Variants in CFDP1 observed in about 807,000 individuals in gnomAD.
CFDP1 encodes the protein heterochromatin-stabilizing protein CFDP1.
In CFDP1, 31 loss-of-function variants were observed where a neutral mutation model predicts 40.1. That is an observed-to-expected ratio of 0.77 (90% CI 0.58 to 1.04). The LOEUF (loss-of-function observed/expected upper bound fraction) is 1.04, where lower values mean the gene tolerates loss of function less well. Ranked by LOEUF, CFDP1 falls within the 50% of genes least tolerant of loss-of-function variation. The pLI is 0.00. For missense variants in CFDP1, 423 were observed against 343.4 expected (o/e 1.23, Z -1.83); for synonymous variants, 167 against 120.0 (o/e 1.39, Z -2.56).
At chr16:75,384,775 G>A (rs138727278) in intron 5 of CFDP1, among the ~76,000 whole-genome samples, 1 of 140,106 alleles carries the variant, frequency 7.1e-6, no homozygotes, top group Non-Finnish European at 1.6e-5. Context: ...AAAAAATACA[G>A]ATGTTTATAT....
chr16:75,372,136 A>C (rs2078756781), intron 5 of CFDP1: 1 of 152,218 alleles, frequency 6.6e-6, no homozygotes, highest in African/African-American at 2.4e-5. Flanking sequence ...ATTTCTAAAA[A>C]AGGAGCCAGC....
chr16:75,397,428 C>T (rs1047661448), intron 4 of CFDP1, among the ~76,000 whole-genome samples: 1 of 151,802 alleles, frequency 6.6e-6, no homozygotes, highest in African/African-American at 2.4e-5. Flanking sequence ...ATCACTTGAA[C>T]CTGGGAGGCA....
chr16:75,366,178 A>G (rs1274579027), intron 5 of CFDP1, among the ~76,000 whole-genome samples: 7 of 152,346 alleles, frequency 4.6e-5, no homozygotes, highest in Middle Eastern at 6.8e-3. Flanking sequence ...GTATAGCTAT[A>G]AAGTACAATA....
At chr16:75,387,084 T>C (rs916962517) in intron 5 of CFDP1, among the ~76,000 whole-genome samples, 5 of 152,004 alleles carry the variant, frequency 3.3e-5, no homozygotes, top group Non-Finnish European at 7.4e-5. Flanking sequence ...AGCACGGTAT[T>C]AGCATCCACT....
intron 5 of CFDP1, among the ~76,000 whole-genome samples, chr16:75,328,047 A>G (rs938317834): frequency 6.6e-6 from 1 of 151,922 alleles, no homozygotes; most frequent in African/African-American, 2.4e-5. Context: ...ATTATAATGT[A>G]ATAGAACTGG....
chr16:75,402,207 C>A (rs1287091096), intron 4 of CFDP1, among the ~76,000 whole-genome samples: 1 of 152,196 alleles, frequency 6.6e-6, no homozygotes, highest in Non-Finnish European at 1.5e-5. Flanking sequence ...TAGACCACCT[C>A]TAACGCACAA....
chr16:75,394,531 A>G (rs552422132), intron 5 of CFDP1, among the ~76,000 whole-genome samples: 4 of 152,232 alleles, frequency 2.6e-5, no homozygotes, highest in East Asian at 1.9e-4. Context: ...CAGAAGGCTG[A>G]TATTTTCATT....
At chr16:75,346,476 G>A (rs1476396001) in intron 5 of CFDP1, among the ~76,000 whole-genome samples, 1 of 150,820 alleles carries the variant, frequency 6.6e-6, no homozygotes, top group East Asian at 2.0e-4. Context: ...CCAGCTACTC[G>A]GGAGGCTAAG....
intron 5 of CFDP1, among the ~76,000 whole-genome samples, chr16:75,341,848 T>G (rs985436841): frequency 1.3e-5 from 2 of 152,144 alleles, no homozygotes; most frequent in Non-Finnish European, 2.9e-5. Context: ...AACGAGGCAG[T>G]GTGGTTCCAT....
chr16:75,419,059 C>T (rs1309843236), intron 1 of CFDP1: 2 of 421,270 alleles, frequency 4.7e-6, no homozygotes, highest in Non-Finnish European at 9.7e-6. Flanking sequence ...AGGAGGATCA[C>T]TTGAGCCCAG....
chr16:75,369,361 C>G (rs747521222), intron 5 of CFDP1, among the ~76,000 whole-genome samples: 12 of 144,642 alleles, frequency 8.3e-5, no homozygotes, highest in Non-Finnish European at 1.8e-4. Flanking sequence ...CTAGCCTTAG[C>G]AATATAGCAA....
chr16:75,312,448 T>G (rs558186899), intron 5 of CFDP1, among the ~76,000 whole-genome samples: 1 of 152,322 alleles, frequency 6.6e-6, no homozygotes, highest in East Asian at 1.9e-4. Context: ...AAAGAAAAGC[T>G]GGCAAGTAGC....
intron 1 of CFDP1, 119 bp downstream of exon 1, chr16:75,433,170 G>T: frequency 3.3e-6 from 3 of 896,320 alleles, no homozygotes; most frequent in South Asian, 3.0e-5. Flanking sequence ...GGACGCTCGA[G>T]AACAGGAGCC....
intron 5 of CFDP1, among the ~76,000 whole-genome samples, chr16:75,376,318 T>A (rs749821302): frequency 6.6e-6 from 1 of 152,132 alleles, no homozygotes; most frequent in Non-Finnish European, 1.5e-5. Context: ...TAAAAACATA[T>A]GTCTTCAAAA....
At chr16:75,299,134 G>A (rs904074502) in intron 6 of CFDP1, among the ~76,000 whole-genome samples, 1 of 151,960 alleles carries the variant, frequency 6.6e-6, no homozygotes, top group Non-Finnish European at 1.5e-5. Flanking sequence ...TGCTGTACTG[G>A]GCCCTGGGAG....
At chr16:75,364,649 A>C (rs567271331) in intron 5 of CFDP1, among the ~76,000 whole-genome samples, 1 of 152,348 alleles carries the variant, frequency 6.6e-6, no homozygotes, top group East Asian at 1.9e-4. Flanking sequence ...ATGTAAAACA[A>C]TGCCACTCTT....
Position 75,294,059 on chromosome 16 carries a change from G to C in CFDP1, c.810-17C>G. ...TCAATGTACCTAGAAGATGAAAACA[G>C]TGTTTGTCAGTAGAATCCAGTAGGA... On this transcript the variant is annotated splice_polypyrimidine_tract_variant and intron_variant, in intron 6 of 6. Coordinates refer to ENST00000283882, the MANE Select transcript of CFDP1 (RefSeq NM_006324.3). 6.3e-7 allele frequency: 1 copy of C among 1,591,080 alleles called. No homozygotes were observed. Among genetic ancestry groups the C allele is most frequent in the Non-Finnish European group, 8.6e-7 (1 of 1,159,092 alleles).
At chr16:75,336,105 C>T (rs1303984616) in intron 5 of CFDP1, among the ~76,000 whole-genome samples, 1 of 152,168 alleles carries the variant, frequency 6.6e-6, no homozygotes, top group Non-Finnish European at 1.5e-5. Flanking sequence ...TTCTTTCCTA[C>T]TATCATCATC....
chr16:75,422,012 G>A (rs890682085), intron 1 of CFDP1, among the ~76,000 whole-genome samples: 3 of 152,160 alleles, frequency 2.0e-5, no homozygotes, highest in South Asian at 4.1e-4. Context: ...ATACTGTATT[G>A]TTTAGGAAAT....
Sources: gnomAD v4.1 joint callset for allele counts (sites outside exome capture counted in the v4.1 genomes callset) on GRCh38, gnomAD v4.1.1 for gene constraint, MANE v1.5 for transcripts, NCBI Gene and HGNC (gene_info 2026-07-23, HGNC 2026-07-21) for gene names.